The following SH3RF3 variants were observed in gnomAD, a reference collection of about 807,000 sequenced individuals.
SH3RF3 encodes the protein E3 ubiquitin-protein ligase SH3RF3.
SH3RF3 carries 29 observed loss-of-function variants against 66.3 expected under a neutral mutation model. That is an observed-to-expected ratio of 0.44 (90% CI 0.33 to 0.60). SH3RF3 has a LOEUF of 0.60. Ranked by LOEUF, SH3RF3 falls within the 20% of genes least tolerant of loss-of-function variation. The pLI, the probability that SH3RF3 is intolerant of heterozygous loss-of-function variation, is 0.04. For missense variants in SH3RF3, 1,194 were observed against 1,190.9 expected, an observed-to-expected ratio of 1.00 and a Z score of -0.04; for synonymous variants, 583 against 532.0, an observed-to-expected ratio of 1.10 and a Z score of -1.32.
intron 8 of SH3RF3, among the ~76,000 whole-genome samples, chr2:109,462,148 C>G (rs950023256): frequency 6.7e-6 from 1 of 149,966 alleles, no homozygotes; most frequent in Non-Finnish European, 1.5e-5. Context: ...CTCACTAGGT[C>G]CAGTCAGCAC....
rs556895387 is a variant in SH3RF3, at chr2:109,174,430, G to A, written c.573+44317G>A. Among the ~76,000 whole-genome samples, 6 of 152,318 alleles carry A rather than the reference G, an allele frequency of 3.9e-5. No homozygotes were observed. The East Asian group carries it at 5.8e-4, about 15-fold the overall frequency. On this transcript the variant is annotated intron_variant, in intron 1 of 9. Coordinates refer to ENST00000309415, the MANE Select transcript of SH3RF3 (RefSeq NM_001099289.3). ...GCAGCCAATACTCCACAGCTGGGGC[G>A]TGGGTGGGACCAGAGTGGTGCCCTG...
intron 4 of SH3RF3, among the ~76,000 whole-genome samples, chr2:109,404,740 C>T (rs1373939310): frequency 6.6e-6 from 1 of 152,162 alleles, no homozygotes; most frequent in Non-Finnish European, 1.5e-5. Flanking sequence ...CTACTGCTTC[C>T]TCTTTCCCAT....
chr2:109,483,206 A>G (rs1678880178), intron 8 of SH3RF3, among the ~76,000 whole-genome samples: 1 of 152,364 alleles, frequency 6.6e-6, no homozygotes, highest in Middle Eastern at 3.4e-3. Flanking sequence ...CATCTCCGAC[A>G]GGAAAATTTC....
rs1677420062 is a variant in SH3RF3 at position 109,436,997 on chromosome 2, G to A, written c.1679G>A (p.Ser560Asn). ...ATGCACCCAGGCAGTGGGAGTCTGAGCAGCCTGGCCACTGCCACCAGGCCC... is the reference window on the plus strand; with the variant it reads ...ATGCACCCAGGCAGTGGGAGTCTGAACAGCCTGGCCACTGCCACCAGGCCC... The part of the protein sequence containing the change: ...TTMHPGSGSL[S>N]SLATATRPAL... Residue 560 changes from serine (S) to asparagine (N), a missense_variant, in exon 7 of 10, where the codon AGC becomes AAC. Transcript: ENST00000309415. 6.2e-7 allele frequency: 1 copy of A among 1,613,698 alleles called. No homozygotes were observed. Among genetic ancestry groups the A allele is most frequent in the Admixed American group, 1.7e-5 (1 of 60,006 alleles).
chr2:109,201,410 C>T (rs1427863905), intron 1 of SH3RF3, among the ~76,000 whole-genome samples: 13 of 152,232 alleles, frequency 8.5e-5, no homozygotes, highest in Non-Finnish European at 1.9e-4. Context: ...CCGGATCTCT[C>T]TGTCTCCAGG....
Position 109,129,724 on chromosome 2 carries a change from G to C in SH3RF3, c.184G>C (p.Glu62Gln). 1 of 1,538,238 alleles carries C rather than the reference G, an allele frequency of 6.5e-7. No individual in the cohort carries two copies. Among genetic ancestry groups the C allele is most frequent in the Non-Finnish European group, 8.7e-7 (1 of 1,145,200 alleles). ...CCTGCTGGAGTGCTCCGTGTGTCTG[G>C]AGCGCCTGGACACCACGGCCAAGGT... ...LDLLECSVCLERLDTTAKVLP... is the reference protein window; with the variant it reads ...LDLLECSVCLQRLDTTAKVLP... Residue 62 changes from glutamate to glutamine, a missense_variant, in exon 1 of 10, where the codon GAG (glutamate) becomes CAG (glutamine). Glu to Gln is a conservative substitution (Grantham distance 29). Coordinates refer to ENST00000309415, the MANE Select transcript of SH3RF3 (RefSeq NM_001099289.3).
intron 6 of SH3RF3, among the ~76,000 whole-genome samples, chr2:109,433,829 A>G (rs932248248): frequency 2.0e-4 from 30 of 152,298 alleles, no homozygotes; most frequent in African/African-American, 7.0e-4. Context: ...CGCTCAGGTG[A>G]TGCTCAGCAG....
At chr2:109,354,204 T>C (rs1331194635) in intron 2 of SH3RF3, among the ~76,000 whole-genome samples, 1 of 152,088 alleles carries the variant, frequency 6.6e-6, no homozygotes, top group African/African-American at 2.4e-5. Context: ...GGTTGGGCCC[T>C]GTGTGTGTGG....
At chr2:109,432,385 CT>C in intron 5 of SH3RF3, 115 bp from the exon 6 acceptor site, 1 of 1,327,652 alleles carries the variant, frequency 7.5e-7, no homozygotes, top group East Asian at 2.5e-5. Context: ...CCCATAGACT[CT>C]AGTGGGTCTT....
intron 8 of SH3RF3, among the ~76,000 whole-genome samples, chr2:109,450,322 G>A (rs1315262082): frequency 6.6e-6 from 1 of 151,476 alleles, no homozygotes; most frequent in Non-Finnish European, 1.5e-5. Context: ...CTCCAGCCTG[G>A]GCAACAGAGC....
intron 8 of SH3RF3, among the ~76,000 whole-genome samples, chr2:109,460,730 A>G (rs1304569973): frequency 2.0e-5 from 3 of 152,194 alleles, no homozygotes; most frequent in East Asian, 3.8e-4. Context: ...CAATTTTCCA[A>G]TTATGTTTCT....
intron 1 of SH3RF3, among the ~76,000 whole-genome samples, chr2:109,279,920 T>C (rs1047782484): frequency 6.7e-5 from 10 of 149,542 alleles, no homozygotes; most frequent in African/African-American, 2.5e-4. Context: ...GGGAGGTAAT[T>C]GGGGGGCGGT....
At position 109,398,675 on chromosome 2, in the gene SH3RF3, A is replaced by C; in HGVS notation, c.1031A>C (p.Asp344Ala). 3.1e-6 allele frequency: 5 copies of C among 1,609,134 alleles called. No homozygotes were observed. The highest frequency in any genetic ancestry group is 4.2e-6 in the Non-Finnish European group (5 of 1,178,138). The change falls in exon 4 of 10, where the codon GAC becomes GCC. Residue 344 changes from aspartate to alanine, a missense_variant. Physicochemically the swap from Asp to Ala is moderately radical, Grantham distance 126. Coordinates refer to ENST00000309415, the MANE Select transcript of SH3RF3 (RefSeq NM_001099289.3). ...ASSCNASLPS[D>A]SGAVASVAPS... ...AGCTGCAATGCCTCCCTGCCCTCTG[A>C]CTCCGGCGCTGTGGCCAGCGTGGCC...
chr2:109,429,762 A>G (rs961717964), intron 5 of SH3RF3, among the ~76,000 whole-genome samples: 5 of 151,936 alleles, frequency 3.3e-5, no homozygotes, highest in African/African-American at 9.7e-5. Flanking sequence ...GCTGTGAAAC[A>G]TGTGCAAGAA....
At chr2:109,438,570 A>G (rs187085445) in intron 7 of SH3RF3, among the ~76,000 whole-genome samples, 1 of 152,278 alleles carries the variant, frequency 6.6e-6, no homozygotes, top group East Asian at 1.9e-4. Context: ...TACTTAAATC[A>G]GCTAAGAATG....
chr2:109,133,575 AT>A (rs141822630), intron 1 of SH3RF3, among the ~76,000 whole-genome samples: 8,819 of 152,226 alleles, frequency 0.058, 321 homozygotes, highest in East Asian at 0.12. Flanking sequence ...GAAGACTAAG[AT>A]TTTCAAAGGA....
At chr2:109,239,215 T>C (rs1462628231) in intron 1 of SH3RF3, among the ~76,000 whole-genome samples, 2 of 152,048 alleles carry the variant, frequency 1.3e-5, no homozygotes, top group Non-Finnish European at 2.9e-5. Context: ...CGAAAAGAGC[T>C]GGGGTCCGTA....
At chr2:109,142,849 C>T (rs564914966) in intron 1 of SH3RF3, among the ~76,000 whole-genome samples, 10 of 152,116 alleles carry the variant, frequency 6.6e-5, no homozygotes, top group Non-Finnish European at 1.5e-4. Flanking sequence ...CGTTTTCACT[C>T]TCTAAACTTA....
chr2:109,155,448 G>A (rs1040954205), intron 1 of SH3RF3, among the ~76,000 whole-genome samples: 5 of 151,900 alleles, frequency 3.3e-5, no homozygotes, highest in East Asian at 1.9e-4. Context: ...GACTACAGGC[G>A]CCCACCACCA....
Sources: allele counts gnomAD v4.1 joint callset (sites outside exome capture counted in the v4.1 genomes callset), GRCh38; gene constraint gnomAD v4.1.1; transcripts MANE v1.5; gene names NCBI Gene and HGNC (gene_info 2026-07-23, HGNC 2026-07-21).